The following HS3ST5 variants were observed in gnomAD, a reference collection of about 807,000 sequenced individuals.
HS3ST5 encodes the protein heparan sulfate-glucosamine 3-sulfotransferase 5.
A neutral mutation model predicts 25.4 loss-of-function variants in HS3ST5; 10 were observed. The observed-to-expected ratio is 0.39, with a 90% CI of 0.24 to 0.67. HS3ST5 has a LOEUF of 0.67. Ranked by LOEUF, HS3ST5 falls within the 30% of genes least tolerant of loss-of-function variation. The probability of loss-of-function intolerance (pLI) is 0.44; values close to 1 mark genes in which losing one functional copy is unlikely to be tolerated. For synonymous variants in HS3ST5, 170 were observed against 162.4 expected (o/e 1.05, Z -0.36); for missense variants, 324 against 420.7 (o/e 0.77, Z 2.01).
intron 3 of HS3ST5, among the ~76,000 whole-genome samples, chr6:114,090,435 C>G (rs1180437653): frequency 6.6e-6 from 1 of 152,114 alleles, no homozygotes; most frequent in Non-Finnish European, 1.5e-5. Flanking sequence ...TCCCTACCCC[C>G]TCCTCCCTCC....
chr6:114,058,173 G>C lies in HS3ST5; in HGVS notation c.125C>G (p.Pro42Arg). Residue 42 changes from proline (P) to arginine (R), a missense_variant, in exon 5 of 5, where the codon CCC becomes CGC. Physicochemically the swap from Pro to Arg is moderately radical, Grantham distance 103 (BLOSUM62 -2). Around this residue, in one of 2 missense-constraint regions of HS3ST5, gnomAD observed 121 missense variants for 117.3 expected, o/e 1.03. Coordinates refer to ENST00000312719, the MANE Select transcript of HS3ST5 (RefSeq NM_153612.4). ...GSLDRLQPICPIEGRLGGART... is the reference protein window; with the variant it reads ...GSLDRLQPICRIEGRLGGART... ...GGCTCCACCCAGTCGACCTTCAATG[G>C]GGCAAATGGGTTGTAGCCTGCAAGC... 6.2e-7 allele frequency: 1 copy of C among 1,605,520 alleles called. No homozygotes were observed. The highest frequency in any genetic ancestry group is 1.1e-5 in the South Asian group (1 of 90,822).
At chr6:114,242,969 G>A (rs962108800) in intron 1 of HS3ST5, among the ~76,000 whole-genome samples, 1 of 152,134 alleles carries the variant, frequency 6.6e-6, no homozygotes, top group Non-Finnish European at 1.5e-5. Context: ...GTAACCAAAG[G>A]CTTGGGCAAC....
At chr6:114,170,204 A>G (rs933233676) in intron 2 of HS3ST5, among the ~76,000 whole-genome samples, 2 of 152,162 alleles carry the variant, frequency 1.3e-5, no homozygotes, top group Admixed American at 6.5e-5. Context: ...AATGATAATT[A>G]CATTGCACTA....
At chr6:114,101,467 G>A (rs1004832961) in intron 3 of HS3ST5, among the ~76,000 whole-genome samples, 1 of 152,110 alleles carries the variant, frequency 6.6e-6, no homozygotes, top group African/African-American at 2.4e-5. Flanking sequence ...TGTAATTGAG[G>A]ACAGAGTGCC....
intron 1 of HS3ST5, among the ~76,000 whole-genome samples, chr6:114,232,640 G>A (rs1309806455): frequency 6.6e-6 from 1 of 152,152 alleles, no homozygotes; most frequent in East Asian, 1.9e-4. Context: ...AGCCCCATCA[G>A]TCATCAGTTG....
At chr6:114,231,929 T>C (rs1771613512) in intron 1 of HS3ST5, among the ~76,000 whole-genome samples, 1 of 152,160 alleles carries the variant, frequency 6.6e-6, no homozygotes, top group Admixed American at 6.5e-5. Context: ...AACTGGGTTC[T>C]GTTATTGTTT....
intron 1 of HS3ST5, among the ~76,000 whole-genome samples, chr6:114,290,153 T>C (rs1411009970): frequency 6.6e-6 from 1 of 152,164 alleles, no homozygotes; most frequent in Non-Finnish European, 1.5e-5. Flanking sequence ...CAAGGTTTTT[T>C]GTGGTTGTTG....
intron 1 of HS3ST5, among the ~76,000 whole-genome samples, chr6:114,237,355 T>A (rs1198342355): frequency 6.6e-6 from 1 of 151,384 alleles, no homozygotes; most frequent in Non-Finnish European, 1.5e-5. Flanking sequence ...TGAAAATAGC[T>A]CTTAACTGGG....
At chr6:114,080,317 C>T (rs981099723) in intron 3 of HS3ST5, among the ~76,000 whole-genome samples, 11 of 152,146 alleles carry the variant, frequency 7.2e-5, no homozygotes, top group Admixed American at 3.9e-4. Context: ...ATTCAATAAA[C>T]GATGCTGTGA....
At chr6:114,206,266 C>T (rs146209407) in intron 2 of HS3ST5, among the ~76,000 whole-genome samples, 29 of 152,198 alleles carry the variant, frequency 1.9e-4, no homozygotes, top group African/African-American at 6.5e-4. Context: ...ACTGTAAACT[C>T]CTTGAGGGCA....
chr6:114,108,624 A>G (rs1049013744), intron 3 of HS3ST5, among the ~76,000 whole-genome samples: 1 of 152,148 alleles, frequency 6.6e-6, no homozygotes, highest in South Asian at 2.1e-4. Flanking sequence ...GAAAATATTT[A>G]AAGGACCTAG....
chr6:114,141,684 G>C (rs1777905037), intron 3 of HS3ST5, among the ~76,000 whole-genome samples: 1 of 152,114 alleles, frequency 6.6e-6, no homozygotes, highest in Non-Finnish European at 1.5e-5. Flanking sequence ...CCAAATGCAT[G>C]AAACTCAGTT....
At chr6:114,196,071 AAACAGC>A (rs1780734887) in intron 2 of HS3ST5, among the ~76,000 whole-genome samples, 1 of 152,152 alleles carries the variant, frequency 6.6e-6, no homozygotes, top group South Asian at 2.1e-4. Context: ...TCAACTGTAA[AAACAGC>A]AACCCTCTTC....
At chr6:114,199,727 A>G (rs1424437846) in intron 2 of HS3ST5, among the ~76,000 whole-genome samples, 1 of 152,164 alleles carries the variant, frequency 6.6e-6, no homozygotes, top group Non-Finnish European at 1.5e-5. Context: ...AATGTCTATA[A>G]ACCTTTTGAG....
chr6:114,129,518 G>C (rs944428771), intron 3 of HS3ST5, among the ~76,000 whole-genome samples: 1 of 152,144 alleles, frequency 6.6e-6, no homozygotes, highest in Non-Finnish European at 1.5e-5. Flanking sequence ...GCCTCCCAAA[G>C]TGCTGGGATT....
At chr6:114,309,836 G>A (rs554548065) in intron 1 of HS3ST5, among the ~76,000 whole-genome samples, 1 of 152,258 alleles carries the variant, frequency 6.6e-6, no homozygotes, top group African/African-American at 2.4e-5. Flanking sequence ...ATTTGTCTTT[G>A]GGCCAAGATT....
intron 3 of HS3ST5, among the ~76,000 whole-genome samples, chr6:114,090,248 A>T (rs1775053444): frequency 6.6e-6 from 1 of 152,184 alleles, no homozygotes; most frequent in Non-Finnish European, 1.5e-5. Flanking sequence ...CGTCTGTGTA[A>T]GGCAATTTGC....
intron 3 of HS3ST5, among the ~76,000 whole-genome samples, chr6:114,070,392 T>C (rs1268082432): frequency 4.6e-5 from 7 of 152,038 alleles, no homozygotes; most frequent in Admixed American, 2.0e-4. Context: ...GTAATGATAG[T>C]AGCAATTATA....
In HS3ST5 at chr6:114,226,696, T is replaced by G. The variant is rs180876267; in HGVS notation, c.-145+1889A>C. The stretch of plus-strand genomic sequence containing the variant: ...AAGTTTCTGTAATTTATTCTTCTGT[T>G]GCATGTTTTGCTTCCTGCGTATTGA... On this transcript the variant is annotated intron_variant, in intron 2 of 4. Transcript: ENST00000312719. Among the ~76,000 whole-genome samples, 5 of 152,082 alleles carry G rather than the reference T, an allele frequency of 3.3e-5. No individual in the cohort carries two copies. The East Asian group carries it at 7.7e-4, about 23-fold the overall frequency.
Sources: gnomAD v4.1 joint callset for allele counts (sites outside exome capture counted in the v4.1 genomes callset) on GRCh38, gnomAD v4.1.1 for gene constraint, gnomAD v4.1.1 regional missense constraint, MANE v1.5 for transcripts, NCBI Gene and HGNC (gene_info 2026-07-23, HGNC 2026-07-21) for gene names.